Variants in SORCS3 observed in about 807,000 individuals in gnomAD.
SORCS3 encodes the protein VPS10 domain-containing receptor SorCS3.
Under a neutral mutation model 146.3 loss-of-function variants are expected in SORCS3, and 57 were observed. The observed-to-expected ratio is 0.39, with a 90% CI of 0.31 to 0.49. SORCS3 has a LOEUF of 0.49. Among genes scored for constraint, SORCS3 ranks in the 20% least tolerant of loss-of-function variants. SORCS3 has a pLI of 0.92. For missense variants in SORCS3, 1,341 were observed against 1,575.5 expected (o/e 0.85, Z 2.52); for synonymous variants, 653 against 618.5 (o/e 1.06, Z -0.83).
chr10:105,095,657 C>G (rs1454788865), intron 6 of SORCS3, among the ~76,000 whole-genome samples: 1 of 148,330 alleles, frequency 6.7e-6, no homozygotes, highest in Non-Finnish European at 1.5e-5. Flanking sequence ...GCTCAATCTC[C>G]ATGGGAGCCA....
chr10:105,240,172 G>A (rs143804484), intron 20 of SORCS3, among the ~76,000 whole-genome samples: 61 of 152,300 alleles, frequency 4.0e-4, no homozygotes, highest in Admixed American at 1.4e-3. Flanking sequence ...GAGGAGACAA[G>A]ATCAAATCTG....
intron 3 of SORCS3, among the ~76,000 whole-genome samples, chr10:104,973,346 G>A (rs1249923739): frequency 4.6e-5 from 7 of 151,898 alleles, no homozygotes; most frequent in African/African-American, 7.3e-5. Flanking sequence ...TGGTTGGTAA[G>A]CTATTGATTA....
At chr10:105,222,269 G>A (rs1037476676) in intron 19 of SORCS3, among the ~76,000 whole-genome samples, 7 of 151,880 alleles carry the variant, frequency 4.6e-5, no homozygotes, top group African/African-American at 1.7e-4. Context: ...ATGTTGGCCA[G>A]GCTGGTCTTG....
At chr10:105,096,084 A>G (rs1303476367) in intron 6 of SORCS3, among the ~76,000 whole-genome samples, 1 of 149,420 alleles carries the variant, frequency 6.7e-6, no homozygotes, top group African/African-American at 2.5e-5. Context: ...CAAACCAAGC[A>G]TTATAATCAC....
intron 16 of SORCS3, among the ~76,000 whole-genome samples, chr10:105,202,771 G>A (rs2056581543): frequency 6.6e-6 from 1 of 152,108 alleles, no homozygotes; most frequent in African/African-American, 2.4e-5. Context: ...CCAATTCTGG[G>A]AATGGGTACA....
At chr10:104,863,556 A>G (rs2018428004) in intron 2 of SORCS3, among the ~76,000 whole-genome samples, 1 of 152,158 alleles carries the variant, frequency 6.6e-6, no homozygotes, top group Non-Finnish European at 1.5e-5. Context: ...GAGGTTACCC[A>G]TAGCACCTGG....
At chr10:105,059,522 G>A (rs2055469011) in intron 5 of SORCS3, among the ~76,000 whole-genome samples, 1 of 152,090 alleles carries the variant, frequency 6.6e-6, no homozygotes, top group Non-Finnish European at 1.5e-5. Context: ...ACACTTTTGA[G>A]TCCCTACTCT....
At chr10:104,963,799 C>G (rs2054811247) in intron 3 of SORCS3, among the ~76,000 whole-genome samples, 2 of 152,144 alleles carry the variant, frequency 1.3e-5, no homozygotes, top group Non-Finnish European at 2.9e-5. Context: ...ATTCCACTTT[C>G]CCAGTTGTTC....
chr10:105,205,454 C>A (rs952247536), intron 16 of SORCS3, among the ~76,000 whole-genome samples: 1 of 152,102 alleles, frequency 6.6e-6, no homozygotes, highest in Non-Finnish European at 1.5e-5. Flanking sequence ...CAGCCTCAAG[C>A]GAACCCTAGA....
chr10:105,065,738 G>A (rs1256550462), intron 5 of SORCS3, among the ~76,000 whole-genome samples: 1 of 152,092 alleles, frequency 6.6e-6, no homozygotes, highest in Non-Finnish European at 1.5e-5. Flanking sequence ...TAATCTCCAG[G>A]CTAAAGCTTA....
chr10:104,734,281 CAT>C (rs1394950548), intron 1 of SORCS3, among the ~76,000 whole-genome samples: 1 of 152,168 alleles, frequency 6.6e-6, no homozygotes, highest in African/African-American at 2.4e-5. Context: ...TAGTCCCGCA[CAT>C]GTTAGTATGA....
chr10:104,750,184 G>C (rs938143873), intron 1 of SORCS3, among the ~76,000 whole-genome samples: 3 of 152,128 alleles, frequency 2.0e-5, no homozygotes, highest in Non-Finnish European at 4.4e-5. Flanking sequence ...GGGCTACTAA[G>C]ATAATGAAGA....
intron 17 of SORCS3, among the ~76,000 whole-genome samples, chr10:105,212,921 A>C (rs1172588543): frequency 1.3e-5 from 2 of 152,226 alleles, no homozygotes; most frequent in Non-Finnish European, 2.9e-5. Context: ...CTATAATATG[A>C]GGCATATATG....
intron 1 of SORCS3, among the ~76,000 whole-genome samples, chr10:104,806,699 A>C (rs1031151009): frequency 6.6e-6 from 1 of 152,244 alleles, no homozygotes; most frequent in Non-Finnish European, 1.5e-5. Flanking sequence ...AGTTGTCAAC[A>C]AAAAAGTAGT....
At chr10:104,896,431 G>A (rs999478134) in intron 2 of SORCS3, among the ~76,000 whole-genome samples, 1 of 152,250 alleles carries the variant, frequency 6.6e-6, no homozygotes, top group African/African-American at 2.4e-5. Flanking sequence ...ATAGGGGCCT[G>A]GGACTGGAAT....
chr10:104,846,587 C>T (rs1439537126), intron 2 of SORCS3, among the ~76,000 whole-genome samples: 3 of 152,162 alleles, frequency 2.0e-5, no homozygotes, highest in Non-Finnish European at 2.9e-5. Flanking sequence ...AATTCAGAGG[C>T]CATCTACTTC....
chr10:104,987,883 G>A (rs1029695203), intron 4 of SORCS3, among the ~76,000 whole-genome samples: 2 of 152,148 alleles, frequency 1.3e-5, no homozygotes, highest in Admixed American at 6.6e-5. Context: ...GAGCCAAGGG[G>A]TGTAGACAAT....
intron 4 of SORCS3, among the ~76,000 whole-genome samples, chr10:104,981,578 AAAACTG>A (rs1245642700): frequency 6.6e-6 from 1 of 152,212 alleles, no homozygotes; most frequent in Non-Finnish European, 1.5e-5. Flanking sequence ...TAATCTTATT[AAAACTG>A]AGACTTTTGG....
At chr10:104,668,315 C>T (rs1354487316) in intron 1 of SORCS3, among the ~76,000 whole-genome samples, 2 of 152,272 alleles carry the variant, frequency 1.3e-5, no homozygotes, top group South Asian at 2.1e-4. Context: ...CCATTTATGA[C>T]GGGCACATGT....
Sources: gnomAD v4.1 joint callset for allele counts (sites outside exome capture counted in the v4.1 genomes callset) on GRCh38, gnomAD v4.1.1 for gene constraint, MANE v1.5 for transcripts, NCBI Gene and HGNC (gene_info 2026-07-23, HGNC 2026-07-21) for gene names.